The following WDR70 variants were observed in gnomAD, a reference collection of about 807,000 sequenced individuals.
WDR70 encodes the protein WD repeat-containing protein 70.
A neutral mutation model predicts 88.6 loss-of-function variants in WDR70; 53 were observed. The observed-to-expected ratio is 0.60, with a 90% CI of 0.48 to 0.75. The LOEUF (loss-of-function observed/expected upper bound fraction) is 0.75, where lower values mean the gene tolerates loss of function less well. WDR70 is among the 30% of genes least tolerant of loss of function. WDR70 has a pLI of 0.00. For missense variants in WDR70, 610 were observed against 823.2 expected, an observed-to-expected ratio of 0.74 and a Z score of 3.17; for synonymous variants, 280 against 270.0, an observed-to-expected ratio of 1.04 and a Z score of -0.36.
At chr5:37,457,774 G>T (rs1412656559) in intron 7 of WDR70, among the ~76,000 whole-genome samples, 1 of 152,120 alleles carries the variant, frequency 6.6e-6, no homozygotes, top group Middle Eastern at 3.2e-3. Context: ...ACCAGTGGCT[G>T]AACTCTAGTC....
At chr5:37,409,513 T>C (rs1749457403) in intron 5 of WDR70, among the ~76,000 whole-genome samples, 1 of 151,814 alleles carries the variant, frequency 6.6e-6, no homozygotes, top group African/African-American at 2.4e-5. Flanking sequence ...TACTTTTTTT[T>C]TTTTTTTGGA....
chr5:37,579,582 CAAAAA>C (rs201135421), intron 9 of WDR70, among the ~76,000 whole-genome samples: 3 of 82,714 alleles, frequency 3.6e-5, no homozygotes, highest in Middle Eastern at 6.0e-3. Flanking sequence ...GACTCTGTCT[CAAAAA>C]AAAAAAAAAA....
At chr5:37,509,368 T>C (rs1740652123) in intron 8 of WDR70, among the ~76,000 whole-genome samples, 2 of 152,052 alleles carry the variant, frequency 1.3e-5, no homozygotes, top group African/African-American at 4.8e-5. Context: ...TGTTTAAATA[T>C]ACAAGTATTT....
chr5:37,564,450 A>C (rs1742670885), intron 9 of WDR70, among the ~76,000 whole-genome samples: 1 of 151,818 alleles, frequency 6.6e-6, no homozygotes, highest in Non-Finnish European at 1.5e-5. Flanking sequence ...TCAGGCAGGG[A>C]GGTTGCAGTG....
intron 9 of WDR70, among the ~76,000 whole-genome samples, chr5:37,566,212 A>G (rs982470836): frequency 6.6e-6 from 1 of 152,254 alleles, no homozygotes; most frequent in South Asian, 2.1e-4. Context: ...TAGTACACTG[A>G]TTCTTCCTGT....
chr5:37,619,897 T>G (rs1422215240), intron 10 of WDR70: 1 of 149,394 alleles, frequency 6.7e-6, no homozygotes, highest in Non-Finnish European at 1.5e-5. Flanking sequence ...CCTTTTATAA[T>G]ATTTTTAAAT....
At chr5:37,715,495 G>C (rs1747628804) in intron 13 of WDR70, among the ~76,000 whole-genome samples, 1 of 152,116 alleles carries the variant, frequency 6.6e-6, no homozygotes, top group African/African-American at 2.4e-5. Context: ...TCCATTGAGG[G>C]GATATCTGTA....
intron 10 of WDR70, among the ~76,000 whole-genome samples, chr5:37,697,410 G>A (rs966458444): frequency 6.6e-6 from 1 of 152,154 alleles, no homozygotes; most frequent in Non-Finnish European, 1.5e-5. Context: ...GCTTGCTAGG[G>A]CAATCTGGAA....
intron 9 of WDR70, among the ~76,000 whole-genome samples, chr5:37,526,104 A>G (rs914876529): frequency 4.6e-5 from 7 of 152,250 alleles, no homozygotes; most frequent in Non-Finnish European, 7.3e-5. Context: ...ATCAATGGAA[A>G]AAGAGGGAAT....
At chr5:37,411,953 T>A (rs1161945178) in intron 5 of WDR70, among the ~76,000 whole-genome samples, 2 of 152,014 alleles carry the variant, frequency 1.3e-5, no homozygotes, top group South Asian at 2.1e-4. Flanking sequence ...AACTTTTTTT[T>A]ACTTATTTTA....
intron 10 of WDR70, among the ~76,000 whole-genome samples, chr5:37,693,081 C>CAGAG (rs1019722753): frequency 2.9e-4 from 44 of 150,370 alleles, no homozygotes; most frequent in African/African-American, 7.3e-4. Flanking sequence ...AACAGACAAA[C>CAGAG]AGCCAAATCA....
At chr5:37,427,747 C>T (rs572195830) in intron 5 of WDR70, among the ~76,000 whole-genome samples, 1 of 152,160 alleles carries the variant, frequency 6.6e-6, no homozygotes, top group South Asian at 2.1e-4. Flanking sequence ...AATAGCTGGG[C>T]GTGGTGGCGC....
intron 5 of WDR70, among the ~76,000 whole-genome samples, chr5:37,413,585 G>C (rs1749592544): frequency 6.6e-6 from 1 of 152,014 alleles, no homozygotes; most frequent in African/African-American, 2.4e-5. Flanking sequence ...CCTGGGCATG[G>C]TGGCGTGTGC....
intron 5 of WDR70, among the ~76,000 whole-genome samples, chr5:37,416,447 G>A (rs1319405311): frequency 6.6e-6 from 1 of 152,070 alleles, no homozygotes; most frequent in Non-Finnish European, 1.5e-5. Context: ...GCAGTGAGCC[G>A]AGATGGCAGC....
chr5:37,475,181 A>G (rs536969060), intron 7 of WDR70, among the ~76,000 whole-genome samples: 3 of 147,452 alleles, frequency 2.0e-5, no homozygotes, highest in African/African-American at 7.4e-5. Flanking sequence ...TGGCCTCCCA[A>G]AATGCTGGGA....
intron 9 of WDR70, among the ~76,000 whole-genome samples, chr5:37,517,430 C>G (rs187934129): frequency 6.0e-5 from 9 of 150,704 alleles, no homozygotes; most frequent in Non-Finnish European, 1.2e-4. Context: ...TGCAATGGCA[C>G]GATCTCAGCT....
rs199717725 is a variant in WDR70, at chr5:37,552,008, G to A, written c.917+35418G>A. ...GCTGGTTTCGAACTCCTGACCTCAG[G>A]CATTCCAGCTGCTTCGACCTCCCAA... On this transcript the variant is annotated intron_variant, in intron 9 of 17. Transcript: ENST00000265107. Among the ~76,000 whole-genome samples the A allele has an allele frequency of 5.9e-5, 9 of 152,074 alleles. No homozygotes were observed. The East Asian group carries it at 7.8e-4, about 13-fold the overall frequency.
intron 10 of WDR70, among the ~76,000 whole-genome samples, chr5:37,633,550 C>T (rs1007092715): frequency 4.0e-5 from 6 of 151,018 alleles, no homozygotes; most frequent in Admixed American, 6.6e-5. Flanking sequence ...AGGAGGTTTG[C>T]CTATAAACCA....
At chr5:37,499,603 C>CTTTT (rs1561876837) in intron 8 of WDR70, among the ~76,000 whole-genome samples, 24 of 142,218 alleles carry the variant, frequency 1.7e-4, no homozygotes, top group African/African-American at 3.5e-4. Flanking sequence ...CTCTCTCTCT[C>CTTTT]TCTCTCTCTC....
Sources: allele counts gnomAD v4.1 joint callset (sites outside exome capture counted in the v4.1 genomes callset), GRCh38; gene constraint gnomAD v4.1.1; transcripts MANE v1.5; gene names NCBI Gene and HGNC (gene_info 2026-07-23, HGNC 2026-07-21).